Variants in SLC4A7 observed in about 807,000 individuals in gnomAD.
The protein encoded by SLC4A7 is sodium bicarbonate cotransporter 3.
SLC4A7 carries 51 observed loss-of-function variants against 137.6 expected under a neutral mutation model. That is an observed-to-expected ratio of 0.37 (90% CI 0.30 to 0.47). SLC4A7 has a LOEUF of 0.47. SLC4A7 is among the 20% of genes least tolerant of loss of function. SLC4A7 has a pLI of 1.00. For missense variants in SLC4A7, 1,247 were observed against 1,525.4 expected, an observed-to-expected ratio of 0.82 and a Z score of 3.04; for synonymous variants, 542 against 518.6, an observed-to-expected ratio of 1.05 and a Z score of -0.61.
intron 1 of SLC4A7, among the ~76,000 whole-genome samples, chr3:27,459,115 C>T (rs1449011678): frequency 1.3e-5 from 2 of 152,174 alleles, no homozygotes; most frequent in East Asian, 3.8e-4. Flanking sequence ...AAGCACATGT[C>T]CTTTCCTCCC....
intron 13 of SLC4A7, among the ~76,000 whole-genome samples, chr3:27,406,992 CATT>C (rs2053429344): frequency 6.6e-6 from 1 of 151,812 alleles, no homozygotes; most frequent in Admixed American, 6.6e-5. Flanking sequence ...AAAAGCAAAA[CATT>C]GAGACATGAA....
Position 27,403,179 on chromosome 3 carries a change from A to G in SLC4A7, c.2281T>C (p.Phe761Leu). 1 of 1,613,498 alleles carries G rather than the reference A, an allele frequency of 6.2e-7. No individual in the cohort carries two copies. The highest frequency in any genetic ancestry group is 8.5e-7 in the Non-Finnish European group (1 of 1,179,752). The change falls in exon 15 of 26, where the codon TTT becomes CTT. Residue 761 changes from phenylalanine (F) to leucine (L), a missense_variant. Around this residue, in one of 6 missense-constraint regions of SLC4A7, gnomAD observed 499 missense variants for 664.2 expected, o/e 0.75. Transcript: ENST00000454389. The part of the protein sequence containing the change: ...KLFDLGETYA[F>L]NMHNNLDKLT... ...TTATCTAAGTTGTTGTGCATATTAA[A>G]TGCATATGTTTCTCCTAAATCAAAG...
intron 3 of SLC4A7, among the ~76,000 whole-genome samples, chr3:27,439,184 G>A (rs939358583): frequency 1.3e-4 from 20 of 152,098 alleles, no homozygotes; most frequent in Non-Finnish European, 2.8e-4. Context: ...AATTGTTTTC[G>A]TAAAAGTCAG....
chr3:27,398,447 T>G (rs180790779), intron 16 of SLC4A7, 94 bp from the exon 17 acceptor site: 2 of 1,058,808 alleles, frequency 1.9e-6, no homozygotes, highest in Admixed American at 4.9e-5. Context: ...TGCAACTGAT[T>G]GTAAGAGGCA....
intron 3 of SLC4A7, among the ~76,000 whole-genome samples, chr3:27,437,894 G>C (rs1290610176): frequency 6.6e-6 from 1 of 152,128 alleles, no homozygotes; most frequent in South Asian, 2.1e-4. Flanking sequence ...AGTTAGAACA[G>C]AACATTTAAA....
intron 3 of SLC4A7, among the ~76,000 whole-genome samples, chr3:27,441,624 T>C (rs569627152): frequency 1.3e-5 from 2 of 151,780 alleles, no homozygotes; most frequent in Non-Finnish European, 2.9e-5. Context: ...TCCCCAGCAG[T>C]TGGGGAGATG....
intron 1 of SLC4A7, among the ~76,000 whole-genome samples, chr3:27,481,920 G>A (rs1395458029): frequency 1.3e-5 from 2 of 152,160 alleles, no homozygotes; most frequent in South Asian, 2.1e-4. Flanking sequence ...TGGATCACCT[G>A]AGGTCAGGAG....
intron 11 of SLC4A7, among the ~76,000 whole-genome samples, chr3:27,417,545 G>T (rs1236721096): frequency 6.6e-6 from 1 of 152,140 alleles, no homozygotes; most frequent in African/African-American, 2.4e-5. Context: ...CTAGAGTCCA[G>T]GAGTTTGAGA....
In SLC4A7 at chr3:27,403,165, G is replaced by A. The variant is rs200043461; in HGVS notation, c.2295C>T (p.Asn765=). 1 of 1,612,224 alleles carries A rather than the reference G, an allele frequency of 6.2e-7. No individual in the cohort carries two copies. The highest frequency in any genetic ancestry group is 8.5e-7 in the Non-Finnish European group (1 of 1,179,394). The change falls in exon 15 of 26, where the codon AAC becomes AAT. Residue 765 remains asparagine, a synonymous_variant. Transcript: ENST00000454389. ...AGTAGCTGGTCAGTTTATCTAAGTT[G>A]TTGTGCATATTAAATGCATATGTTT... is the stretch of plus-strand genomic sequence containing the variant. ...LGETYAFNMH[N]NLDKLTSYSC... is the part of the protein sequence containing the mutation.
intron 3 of SLC4A7, among the ~76,000 whole-genome samples, chr3:27,438,966 G>GA (rs1370648166): frequency 6.6e-6 from 1 of 152,182 alleles, no homozygotes; most frequent in Admixed American, 6.5e-5. Context: ...TGTAGTATAG[G>GA]AACCCGAAAC....
Position 27,403,148 on chromosome 3 carries a change from G to C in SLC4A7, c.2312C>G (p.Thr771Ser). 1 of 1,604,768 alleles carries C rather than the reference G, an allele frequency of 6.2e-7. No homozygotes were observed. Among genetic ancestry groups the C allele is most frequent in the South Asian group, 1.1e-5 (1 of 88,868 alleles). The stretch of plus-strand genomic sequence containing the variant: ...AAAGAGAAATACTTACGAGTAGCTG[G>C]TCAGTTTATCTAAGTTGTTGTGCAT... Reference protein sequence around the residue: ...FNMHNNLDKLTSYSCVCTEPP... With the variant: ...FNMHNNLDKLSSYSCVCTEPP... Residue 771 changes from threonine to serine, a missense_variant, in exon 15 of 26, where the codon ACC (threonine) becomes AGC (serine). By Grantham distance (58) the Thr-to-Ser change is moderately conservative. Transcript: ENST00000454389.
intron 11 of SLC4A7, among the ~76,000 whole-genome samples, chr3:27,413,239 AG>A (rs1392801398): frequency 6.6e-6 from 1 of 152,202 alleles, no homozygotes; most frequent in Non-Finnish European, 1.5e-5. Context: ...CAGAAAAAAC[AG>A]GAAGTTTTAC....
intron 21 of SLC4A7, among the ~76,000 whole-genome samples, chr3:27,390,522 C>G (rs941240008): frequency 6.6e-6 from 1 of 152,156 alleles, no homozygotes; most frequent in Non-Finnish European, 1.5e-5. Context: ...ATAACAATTA[C>G]AATTCTTCAC....
At position 27,431,674 on chromosome 3, in the gene SLC4A7, G is replaced by A; in HGVS notation, c.779-5C>T. On this transcript the variant is annotated splice_polypyrimidine_tract_variant and splice_region_variant and intron_variant, in intron 6 of 25. Transcript: ENST00000454389. ...GGGAGGCTGAAAGGCCTTCCCCTGA[G>A]ATAAAACAAATAAATGAAAAATGAT... The A allele has an allele frequency of 6.6e-7, 1 of 1,514,784 alleles. No individual in the cohort carries two copies. The highest frequency in any genetic ancestry group is 8.8e-7 in the Non-Finnish European group (1 of 1,131,540). The allele number at this position is 1,514,784 out of a possible 1,614,324, so 93.8% of individuals were successfully genotyped here. A position where few individuals can be genotyped will look rare whatever the true frequency, so the allele number is the denominator to read the frequency against.
intron 1 of SLC4A7, among the ~76,000 whole-genome samples, chr3:27,481,505 A>G (rs987235955): frequency 6.6e-6 from 1 of 152,218 alleles, no homozygotes; most frequent in Admixed American, 6.5e-5. Flanking sequence ...TAGAGTTATG[A>G]CTGATGAATA....
chr3:27,425,934 GA>G (rs1349468262), intron 7 of SLC4A7, among the ~76,000 whole-genome samples: 1 of 152,060 alleles, frequency 6.6e-6, no homozygotes, highest in Non-Finnish European at 1.5e-5. Flanking sequence ...GCAACACATG[GA>G]AGTTCAGTTA....
rs920660607 is a variant in SLC4A7 at position 27,386,135 on chromosome 3, AATTATTC to A, written c.3361-119_3361-113del. 4.4e-5 allele frequency: 32 copies of A among 725,204 alleles called. No individual in the cohort carries two copies. The African/African-American group carries it at 4.9e-4, about 11-fold the overall frequency. The allele number at this position is 725,204 out of a possible 1,614,324, so 44.9% of individuals were successfully genotyped here. A position where few individuals can be genotyped will look rare whatever the true frequency, so the allele number is the denominator to read the frequency against. On this transcript the variant is annotated intron_variant, in intron 22 of 25. Transcript: ENST00000454389. ...TAAAAAATGCTTCATATAGTTTAAA[AATTATTC>A]ACACATCATTTTGTTTCAAAGGAAT...
chr3:27,379,032 C>T (rs1559611002), intron 25 of SLC4A7, among the ~76,000 whole-genome samples: 1 of 152,110 alleles, frequency 6.6e-6, no homozygotes, highest in Non-Finnish European at 1.5e-5. Context: ...GCTTCAGCCT[C>T]CCAAAGTGCT....
chr3:27,426,482 C>A (rs530139773), intron 7 of SLC4A7, among the ~76,000 whole-genome samples: 14 of 152,186 alleles, frequency 9.2e-5, no homozygotes, highest in Admixed American at 7.9e-4. Context: ...GCATTACATA[C>A]TTCCAAAGGC....
Sources: allele counts gnomAD v4.1 joint callset (sites outside exome capture counted in the v4.1 genomes callset), GRCh38; gene constraint gnomAD v4.1.1; regional missense constraint gnomAD v4.1.1; transcripts MANE v1.5; gene names NCBI Gene and HGNC (gene_info 2026-07-23, HGNC 2026-07-21).